The following IL1RAPL1 variants were observed in gnomAD, a reference collection of about 807,000 sequenced individuals.
The protein encoded by IL1RAPL1 is interleukin 1 receptor accessory protein like 1, also known as interleukin-1 receptor accessory protein-like 1.
In IL1RAPL1, 3 loss-of-function variants were observed where a neutral mutation model predicts 48.4. That is an observed-to-expected ratio of 0.06 (90% CI 0.03 to 0.16). IL1RAPL1 has a LOEUF of 0.16. Ranked by LOEUF, IL1RAPL1 falls within the 10% of genes least tolerant of loss-of-function variation. The pLI, the probability that IL1RAPL1 is intolerant of heterozygous loss-of-function variation, is 1.00. For missense variants in IL1RAPL1, 349 were observed against 530.6 expected (o/e 0.66, Z 3.36); for synonymous variants, 185 against 187.7 (o/e 0.99, Z 0.12).
At chrX:29,409,453 C>T (rs1934113362) in intron 5 of IL1RAPL1, among the ~76,000 whole-genome samples, 1 of 111,773 alleles carries the variant, frequency 8.9e-6, no homozygotes, top group Admixed American at 9.5e-5. Flanking sequence ...ATTCCTAAAA[C>T]AAAAGAGCTC....
chrX:29,934,466 C>T (rs1393940326), intron 8 of IL1RAPL1, among the ~76,000 whole-genome samples: 3 of 112,130 alleles, frequency 2.7e-5, no homozygotes, highest in Admixed American at 1.9e-4. Context: ...CTGAAGTACA[C>T]TCTAATTACA....
intron 2 of IL1RAPL1, among the ~76,000 whole-genome samples, chrX:28,911,859 G>T (rs1483696772): frequency 9.3e-6 from 1 of 108,093 alleles, no homozygotes; most frequent in East Asian, 2.9e-4. Context: ...TAGGCTACTA[G>T]GGAGCCATGA....
chrX:29,123,750 C>T (rs1471966708), intron 2 of IL1RAPL1, among the ~76,000 whole-genome samples: 1 of 111,472 alleles, frequency 9.0e-6, no homozygotes, highest in African/African-American at 3.3e-5. Flanking sequence ...GCCACTGGCC[C>T]CATGTGGCTG....
chrX:29,582,115 A>G (rs1049011009), intron 5 of IL1RAPL1, among the ~76,000 whole-genome samples: 20 of 111,335 alleles, frequency 1.8e-4, no homozygotes, highest in African/African-American at 5.9e-4. Context: ...GAAAGCATGC[A>G]TCTTCCCAGA....
At chrX:29,121,539 G>T (rs1393513644) in intron 2 of IL1RAPL1, among the ~76,000 whole-genome samples, 2 of 111,596 alleles carry the variant, frequency 1.8e-5, no homozygotes, top group African/African-American at 6.5e-5. Context: ...AATTGTCTTT[G>T]TTTTCAGATA....
intron 1 of IL1RAPL1, among the ~76,000 whole-genome samples, chrX:28,617,158 A>G (rs1000006858): frequency 5.4e-5 from 6 of 111,878 alleles, no homozygotes; most frequent in Non-Finnish European, 1.1e-4. Context: ...ATAGGAGCAA[A>G]AAGAAAAAGA....
intron 2 of IL1RAPL1, among the ~76,000 whole-genome samples, chrX:29,057,989 C>T (rs1056057713): frequency 3.7e-4 from 41 of 111,852 alleles, no homozygotes; most frequent in African/African-American, 1.0e-3. Context: ...ATGTAAATGA[C>T]GACCAGGACT....
intron 6 of IL1RAPL1, among the ~76,000 whole-genome samples, chrX:29,721,126 G>A (rs983039204): frequency 1.2e-4 from 13 of 110,575 alleles, no homozygotes; most frequent in Admixed American, 4.8e-4. Flanking sequence ...GATTTCAGCC[G>A]AACCACCCTA....
At chrX:29,104,279 A>G (rs1193777537) in intron 2 of IL1RAPL1, among the ~76,000 whole-genome samples, 2 of 112,280 alleles carry the variant, frequency 1.8e-5, no homozygotes, top group Non-Finnish European at 3.8e-5. Context: ...ACAATGGAGT[A>G]CTATTCAGCC....
chrX:28,588,205 TA>T (rs143353013), intron 1 of IL1RAPL1, among the ~76,000 whole-genome samples, 158 bp downstream of exon 1: 237 of 93,304 alleles, frequency 2.5e-3, no homozygotes, highest in African/African-American at 3.4e-3. Flanking sequence ...GGTGTGTTGA[TA>T]TGTGTGTGTG....
chrX:28,788,884 A>G (rs1214112495), intron 1 of IL1RAPL1, among the ~76,000 whole-genome samples: 1 of 111,954 alleles, frequency 8.9e-6, no homozygotes, highest in Non-Finnish European at 1.9e-5. Context: ...CAGACAGCTT[A>G]TGATTTAATC....
At chrX:29,162,645 C>G (rs1359284612) in intron 2 of IL1RAPL1, among the ~76,000 whole-genome samples, 5 of 111,077 alleles carry the variant, frequency 4.5e-5, no homozygotes, top group Non-Finnish European at 9.4e-5. Context: ...AAATATTTTT[C>G]TCATGGCTCA....
At chrX:28,881,044 T>A (rs1468693643) in intron 2 of IL1RAPL1, among the ~76,000 whole-genome samples, 2 of 111,607 alleles carry the variant, frequency 1.8e-5, no homozygotes, top group African/African-American at 6.5e-5. Flanking sequence ...TTAATATTTG[T>A]GGAGGTATTC....
intron 6 of IL1RAPL1, among the ~76,000 whole-genome samples, chrX:29,883,801 G>A (rs1467345252): frequency 8.9e-6 from 1 of 112,419 alleles, no homozygotes; most frequent in Non-Finnish European, 1.9e-5. Flanking sequence ...TTATGATTGA[G>A]TTTTAAGAAC....
At chrX:28,826,567 C>A (rs1163741707) in intron 2 of IL1RAPL1, among the ~76,000 whole-genome samples, 1 of 111,067 alleles carries the variant, frequency 9.0e-6, no homozygotes, top group Non-Finnish European at 1.9e-5. Flanking sequence ...TTTTTGACAC[C>A]CTGCCATCCC....
intron 2 of IL1RAPL1, among the ~76,000 whole-genome samples, chrX:29,146,635 T>G (rs1346677936): frequency 8.9e-6 from 1 of 112,331 alleles, no homozygotes. Flanking sequence ...CTTCTTAATT[T>G]AATCATTAGG....
intron 1 of IL1RAPL1, among the ~76,000 whole-genome samples, chrX:28,648,213 G>A (rs7884017): frequency 0.1 from 11,496 of 110,785 alleles, 645 homozygotes; most frequent in African/African-American, 0.22. Flanking sequence ...ACTTCTTAAG[G>A]CTACCCATCT....
intron 2 of IL1RAPL1, among the ~76,000 whole-genome samples, chrX:29,264,742 C>T (rs1200336930): frequency 9.0e-6 from 1 of 110,692 alleles, no homozygotes; most frequent in Non-Finnish European, 1.9e-5. Flanking sequence ...CAATTACTCT[C>T]TATGTACCTG....
At chrX:29,931,786 A>G in intron 8 of IL1RAPL1, among the ~76,000 whole-genome samples, 1 of 112,185 alleles carries the variant, frequency 8.9e-6, no homozygotes, top group East Asian at 2.8e-4. Flanking sequence ...ATGACAATAT[A>G]CCCTCTTGAG....
Sources: gnomAD v4.1 joint callset for allele counts (sites outside exome capture counted in the v4.1 genomes callset) on GRCh38, gnomAD v4.1.1 for gene constraint, MANE v1.5 for transcripts, NCBI Gene and HGNC (gene_info 2026-07-23, HGNC 2026-07-21) for gene names.